Variants in SPOCK1 observed in about 807,000 individuals in gnomAD.
SPOCK1 encodes the protein testican-1.
In SPOCK1, 23 loss-of-function variants were observed where a neutral mutation model predicts 55.3. The ratio of observed to expected loss-of-function variants is 0.42; its 90% confidence interval spans 0.30 to 0.59. SPOCK1 has a LOEUF of 0.59. Ranked by LOEUF, SPOCK1 falls within the 20% of genes least tolerant of loss-of-function variation. The pLI is 0.22. For missense variants in SPOCK1, 499 were observed against 552.5 expected, an observed-to-expected ratio of 0.90 and a Z score of 0.97; for synonymous variants, 226 against 221.0, an observed-to-expected ratio of 1.02 and a Z score of -0.20.
At position 137,391,260 on chromosome 5, in the gene SPOCK1, A is replaced by G. The variant is rs1452515153; in HGVS notation, c.186+107113T>C. ...CCTTTTTATGGCTGCATAGTATTCC[A>G]TTATGCATATGTGCCACATTTTCTT... On this transcript the variant is annotated intron_variant, in intron 2 of 10. Coordinates refer to ENST00000394945, the MANE Select transcript of SPOCK1 (RefSeq NM_004598.4). Among the ~76,000 whole-genome samples the G allele has an allele frequency of 5.3e-5, 8 of 152,292 alleles. No individual in the cohort carries two copies. The East Asian group carries it at 1.2e-3, about 22-fold the overall frequency.
chr5:137,162,239 G>A (rs1754572417), intron 3 of SPOCK1, among the ~76,000 whole-genome samples: 1 of 150,310 alleles, frequency 6.7e-6, no homozygotes, highest in African/African-American at 2.5e-5. Flanking sequence ...CAGGATTCAA[G>A]CAATTCTCCT....
At chr5:137,441,915 GA>G (rs1167163012) in intron 2 of SPOCK1, among the ~76,000 whole-genome samples, 2 of 152,196 alleles carry the variant, frequency 1.3e-5, no homozygotes, top group African/African-American at 4.8e-5. Context: ...AACAGAGCCA[GA>G]AAGCATGTCC....
At chr5:137,350,459 T>C (rs772226816) in intron 2 of SPOCK1, among the ~76,000 whole-genome samples, 1 of 152,128 alleles carries the variant, frequency 6.6e-6, no homozygotes, top group Non-Finnish European at 1.5e-5. Flanking sequence ...TCAACTGAGG[T>C]AGCTTGGAGG....
At chr5:137,310,693 G>T (rs1239803957) in intron 2 of SPOCK1, among the ~76,000 whole-genome samples, 1 of 152,186 alleles carries the variant, frequency 6.6e-6, no homozygotes, top group Non-Finnish European at 1.5e-5. Flanking sequence ...ATCTGAAAAT[G>T]ACAGTTCCAA....
At chr5:137,012,436 C>T (rs1751368783) in intron 6 of SPOCK1, among the ~76,000 whole-genome samples, 1 of 152,176 alleles carries the variant, frequency 6.6e-6, no homozygotes, top group Non-Finnish European at 1.5e-5. Context: ...TCCTCCCACA[C>T]ACACACACAT....
intron 6 of SPOCK1, among the ~76,000 whole-genome samples, chr5:137,022,354 T>C (rs1751593805): frequency 6.6e-6 from 1 of 152,098 alleles, no homozygotes; most frequent in Non-Finnish European, 1.5e-5. Flanking sequence ...ACGACTCCAG[T>C]CCCAGGCACT....
intron 3 of SPOCK1, among the ~76,000 whole-genome samples, chr5:137,165,365 AG>A (rs1754628063): frequency 6.6e-6 from 1 of 152,212 alleles, no homozygotes; most frequent in Non-Finnish European, 1.5e-5. Flanking sequence ...ACTGAGCTTA[AG>A]GTGTCCCCCT....
At chr5:137,420,209 T>C (rs1752455568) in intron 2 of SPOCK1, among the ~76,000 whole-genome samples, 1 of 152,258 alleles carries the variant, frequency 6.6e-6, no homozygotes, top group Admixed American at 6.5e-5. Context: ...AGTATTTTAT[T>C]GAGAATTTTT....
At chr5:137,423,868 C>T (rs868671965) in intron 2 of SPOCK1, among the ~76,000 whole-genome samples, 9 of 152,352 alleles carry the variant, frequency 5.9e-5, no homozygotes, top group South Asian at 2.1e-4. Context: ...CTGTCTTCTG[C>T]GTCGCTCACA....
chr5:137,383,252 T>G (rs1660486821), intron 2 of SPOCK1, among the ~76,000 whole-genome samples: 1 of 152,182 alleles, frequency 6.6e-6, no homozygotes, highest in African/African-American at 2.4e-5. Flanking sequence ...AAAAAAAATC[T>G]TAAAGTCTTA....
intron 6 of SPOCK1, among the ~76,000 whole-genome samples, chr5:136,999,351 T>C (rs1751105578): frequency 6.6e-6 from 1 of 152,154 alleles, no homozygotes; most frequent in South Asian, 2.1e-4. Flanking sequence ...TGAGTGTCAG[T>C]AGTCTGGCTC....
At chr5:137,337,229 C>G (rs1750300489) in intron 2 of SPOCK1, among the ~76,000 whole-genome samples, 1 of 152,152 alleles carries the variant, frequency 6.6e-6, no homozygotes, top group Non-Finnish European at 1.5e-5. Context: ...GGTAACGACC[C>G]CATTTGGCAG....
At chr5:137,198,076 G>A (rs1048136600) in intron 3 of SPOCK1, among the ~76,000 whole-genome samples, 15 of 152,086 alleles carry the variant, frequency 9.9e-5, no homozygotes, top group African/African-American at 3.6e-4. Flanking sequence ...TGAAATTGGG[G>A]TCATGTGATA....
intron 2 of SPOCK1, among the ~76,000 whole-genome samples, chr5:137,418,338 T>C (rs1752392955): frequency 6.6e-6 from 1 of 152,138 alleles, no homozygotes. Context: ...GATGGCTGGG[T>C]CAAATGGTAT....
chr5:137,144,997 C>A (rs984045221), intron 3 of SPOCK1, among the ~76,000 whole-genome samples: 1 of 152,250 alleles, frequency 6.6e-6, no homozygotes, highest in East Asian at 1.9e-4. Context: ...ATCACCAAAC[C>A]TGCAGGACTC....
At chr5:137,184,878 A>G (rs1755037140) in intron 3 of SPOCK1, among the ~76,000 whole-genome samples, 1 of 151,882 alleles carries the variant, frequency 6.6e-6, no homozygotes. Context: ...CTGCCCCTCA[A>G]ATGTTCTCAA....
At chr5:137,453,147 AT>A (rs1306969653) in intron 2 of SPOCK1, among the ~76,000 whole-genome samples, 1 of 152,198 alleles carries the variant, frequency 6.6e-6, no homozygotes, top group Non-Finnish European at 1.5e-5. Flanking sequence ...CTTAGAAAAA[AT>A]AAGGCACGCT....
At chr5:137,388,760 C>T (rs997607745) in intron 2 of SPOCK1, among the ~76,000 whole-genome samples, 3 of 152,216 alleles carry the variant, frequency 2.0e-5, no homozygotes, top group African/African-American at 7.2e-5. Context: ...AGATTCTGTT[C>T]TGCAAAACAC....
intron 3 of SPOCK1, among the ~76,000 whole-genome samples, chr5:137,177,570 C>T (rs1212432032): frequency 6.6e-6 from 1 of 151,872 alleles, no homozygotes; most frequent in Non-Finnish European, 1.5e-5. Flanking sequence ...AGGAAAGGGG[C>T]TTCAGGAGGT....
Sources: allele counts gnomAD v4.1 joint callset (sites outside exome capture counted in the v4.1 genomes callset), GRCh38; gene constraint gnomAD v4.1.1; transcripts MANE v1.5; gene names NCBI Gene and HGNC (gene_info 2026-07-23, HGNC 2026-07-21).